The following CNTNAP2 variants were observed in gnomAD, a reference collection of about 807,000 sequenced individuals.
CNTNAP2 encodes the protein contactin associated protein 2.
Under a neutral mutation model 155.2 loss-of-function variants are expected in CNTNAP2, and 98 were observed. That is an observed-to-expected ratio of 0.63 (90% CI 0.54 to 0.75). CNTNAP2 has a LOEUF of 0.75. CNTNAP2 is among the 30% of genes least tolerant of loss of function. The probability of loss-of-function intolerance (pLI) is 0.00; values close to 1 mark genes in which losing one functional copy is unlikely to be tolerated. For missense variants in CNTNAP2, 1,727 were observed against 1,688.1 expected (o/e 1.02, Z -0.40); for synonymous variants, 651 against 631.2 (o/e 1.03, Z -0.47).
In CNTNAP2 at chr7:147,170,242, C is replaced by G. The variant is rs182601606; in HGVS notation, c.1348+37733C>G. 1.2e-4 allele frequency among the ~76,000 whole-genome samples: 18 copies of G among 152,074 alleles called. No homozygotes were observed. The East Asian group carries it at 1.9e-3, about 16-fold the overall frequency. The stretch of plus-strand genomic sequence containing the variant: ...TTTTGTGGTGGTGTAGTTTGGGGTG[C>G]AATCCGTAGATGGTGCTTTAGAGCT... On this transcript the variant is annotated intron_variant, in intron 8 of 23. Transcript: ENST00000361727.
intron 8 of CNTNAP2, among the ~76,000 whole-genome samples, chr7:147,269,919 G>A (rs924384410): frequency 6.6e-6 from 1 of 151,996 alleles, no homozygotes; most frequent in African/African-American, 2.4e-5. Context: ...AAAATGAGTT[G>A]GGTTTCGTGG....
intron 1 of CNTNAP2, among the ~76,000 whole-genome samples, chr7:146,133,147 A>G (rs2116740132): frequency 6.6e-6 from 1 of 151,454 alleles, no homozygotes; most frequent in East Asian, 1.9e-4. Context: ...TTTGATTTGC[A>G]TTTCTCTGAT....
chr7:147,928,729 T>G (rs189395849), intron 14 of CNTNAP2, among the ~76,000 whole-genome samples: 4 of 152,306 alleles, frequency 2.6e-5, no homozygotes, highest in African/African-American at 4.8e-5. Flanking sequence ...TAGTGGGTTT[T>G]GGGAGAGTCC....
chr7:146,358,841 C>T (rs919861574), intron 1 of CNTNAP2, among the ~76,000 whole-genome samples: 2 of 152,144 alleles, frequency 1.3e-5, no homozygotes, highest in African/African-American at 2.4e-5. Context: ...AGTAGTTTAT[C>T]CTCCTCCTTT....
chr7:148,133,640 A>G (rs1205840108), intron 16 of CNTNAP2: 2 of 152,194 alleles, frequency 1.3e-5, no homozygotes, highest in Non-Finnish European at 2.9e-5. Flanking sequence ...CTTCTTGACC[A>G]CACTGAACCA....
intron 21 of CNTNAP2, among the ~76,000 whole-genome samples, chr7:148,293,371 C>A (rs1329252450): frequency 3.9e-5 from 6 of 152,154 alleles, no homozygotes; most frequent in African/African-American, 1.4e-4. Flanking sequence ...ATATGTCTCT[C>A]AGTTTTACAG....
chr7:146,843,596 C>CAAAAAAAAA (rs10639255), intron 3 of CNTNAP2, among the ~76,000 whole-genome samples: 4 of 126,548 alleles, frequency 3.2e-5, no homozygotes, highest in Non-Finnish European at 3.3e-5. Flanking sequence ...CTTACTAATA[C>CAAAAAAAAA]AAAAAAAAAA....
At chr7:146,183,749 C>T (rs1798583557) in intron 1 of CNTNAP2, among the ~76,000 whole-genome samples, 1 of 152,084 alleles carries the variant, frequency 6.6e-6, no homozygotes, top group Non-Finnish European at 1.5e-5. Context: ...CAAGCTTGGG[C>T]TGGAGTAGCG....
chr7:148,276,722 A>G (rs1563022074), intron 21 of CNTNAP2, among the ~76,000 whole-genome samples: 1 of 152,264 alleles, frequency 6.6e-6, no homozygotes, highest in Non-Finnish European at 1.5e-5. Flanking sequence ...TTTAATCCAT[A>G]GAATAACGTG....
chr7:146,233,414 G>A (rs1438163470), intron 1 of CNTNAP2, among the ~76,000 whole-genome samples: 1 of 151,806 alleles, frequency 6.6e-6, no homozygotes, highest in Non-Finnish European at 1.5e-5. Flanking sequence ...ACATGATGAA[G>A]CAGTGACTCA....
chr7:147,160,044 G>A (rs1801998004), intron 8 of CNTNAP2, among the ~76,000 whole-genome samples: 1 of 152,074 alleles, frequency 6.6e-6, no homozygotes, highest in African/African-American at 2.4e-5. Flanking sequence ...AAACATAAAA[G>A]GTTTGCTTGG....
intron 13 of CNTNAP2, among the ~76,000 whole-genome samples, chr7:147,775,647 G>T (rs1563084890): frequency 6.6e-6 from 1 of 151,400 alleles, no homozygotes; most frequent in Non-Finnish European, 1.5e-5. Context: ...TGTTTGAAAG[G>T]CACTGATGTA....
chr7:146,754,922 C>T (rs552112420), intron 1 of CNTNAP2, among the ~76,000 whole-genome samples: 12 of 152,022 alleles, frequency 7.9e-5, no homozygotes, highest in South Asian at 2.1e-4. Flanking sequence ...AAAGAAAATA[C>T]GGCTGCTCAC....
chr7:147,998,597 A>C (rs1057064887), intron 15 of CNTNAP2, among the ~76,000 whole-genome samples: 1 of 152,250 alleles, frequency 6.6e-6, no homozygotes, highest in African/African-American at 2.4e-5. Context: ...GAGAATGAGT[A>C]AAGACCATTT....
chr7:147,189,228 A>G (rs1802630363), intron 8 of CNTNAP2, among the ~76,000 whole-genome samples: 1 of 152,188 alleles, frequency 6.6e-6, no homozygotes, highest in Non-Finnish European at 1.5e-5. Flanking sequence ...ATAAAACTAT[A>G]CATAGTATTT....
intron 1 of CNTNAP2, among the ~76,000 whole-genome samples, chr7:146,275,282 A>T (rs777399266): frequency 6.6e-6 from 1 of 152,200 alleles, no homozygotes; most frequent in Non-Finnish European, 1.5e-5. Flanking sequence ...TCAATTGTAG[A>T]ACTTTTTAAA....
chr7:147,284,582 T>A (rs1410598426), intron 8 of CNTNAP2, among the ~76,000 whole-genome samples: 1 of 151,984 alleles, frequency 6.6e-6, no homozygotes, highest in Non-Finnish European at 1.5e-5. Context: ...AATATTTTTA[T>A]TTTTAACCAT....
chr7:148,145,190 G>A (rs1439631344), intron 16 of CNTNAP2, among the ~76,000 whole-genome samples: 2 of 152,164 alleles, frequency 1.3e-5, no homozygotes, highest in Non-Finnish European at 1.5e-5. Context: ...AAAGTTGCTC[G>A]TGGGGTCCTT....
intron 4 of CNTNAP2, among the ~76,000 whole-genome samples, chr7:147,085,073 T>A (rs1280711532): frequency 6.6e-6 from 1 of 152,166 alleles, no homozygotes; most frequent in Non-Finnish European, 1.5e-5. Context: ...GAAAAGCATT[T>A]TTTGTTGTTT....
Sources: gnomAD v4.1 joint callset for allele counts (sites outside exome capture counted in the v4.1 genomes callset) on GRCh38, gnomAD v4.1.1 for gene constraint, MANE v1.5 for transcripts, NCBI Gene and HGNC (gene_info 2026-07-23, HGNC 2026-07-21) for gene names.